The following APBA1 variants were observed in gnomAD, a reference collection of about 807,000 sequenced individuals.
APBA1 encodes the protein amyloid-beta A4 precursor protein-binding family A member 1.
In APBA1, 55 loss-of-function variants were observed where a neutral mutation model predicts 86.6. That is an observed-to-expected ratio of 0.64 (90% CI 0.51 to 0.80). The LOEUF (loss-of-function observed/expected upper bound fraction) is 0.80, where lower values mean the gene tolerates loss of function less well. Among genes scored for constraint, APBA1 ranks in the 30% least tolerant of loss-of-function variants. The pLI, the probability that APBA1 is intolerant of heterozygous loss-of-function variation, is 0.00. For synonymous variants in APBA1, 511 were observed against 493.9 expected (o/e 1.03, Z -0.46); for missense variants, 1,090 against 1,183.0 (o/e 0.92, Z 1.15).
intron 2 of APBA1, among the ~76,000 whole-genome samples, chr9:69,501,629 A>AAT (rs1835880383): frequency 7.0e-6 from 1 of 142,188 alleles, no homozygotes; most frequent in Middle Eastern, 3.6e-3. Flanking sequence ...GTCTCTACAA[A>AAT]ACACACACAC....
intron 3 of APBA1, among the ~76,000 whole-genome samples, chr9:69,472,123 G>A (rs959613): frequency 6.6e-6 from 1 of 151,946 alleles, no homozygotes; most frequent in Non-Finnish European, 1.5e-5. Context: ...TTGCCACAGT[G>A]ATCTCTCACT....
Position 69,626,306 on chromosome 9 carries a change from CTTG to C in APBA1, c.-70+45844_-70+45846del, listed in dbSNP as rs1252130210. On this transcript the variant is annotated intron_variant, in intron 1 of 12. Transcript: ENST00000265381. ...TTTCTATTGCATGGAAATAAACTGT[CTTG>C]TTGTTGTTATTGTTGTTTGTTTGTT... Among the ~76,000 whole-genome samples, 14 of 142,590 alleles carry C rather than the reference CTTG, an allele frequency of 9.8e-5. No individual in the cohort carries two copies. In the East Asian group the frequency reaches 1.3e-3, roughly 13 times the overall value. The allele number at this position is 142,590 out of a possible 152,430, so 93.5% of individuals were successfully genotyped here. A position where few individuals can be genotyped will look rare whatever the true frequency, so the allele number is the denominator to read the frequency against.
At chr9:69,456,534 G>T (rs1445895581) in intron 7 of APBA1, 102 bp from the exon 8 acceptor site, 2 of 1,265,986 alleles carry the variant, frequency 1.6e-6, no homozygotes, top group Non-Finnish European at 2.2e-6. Flanking sequence ...CGCATGCAGG[G>T]TGGGCTCCAG....
At position 69,540,795 on chromosome 9, in the gene APBA1, C is replaced by T. The variant is rs1490185438; in HGVS notation, c.-69-23516G>A. ...AAATTTTTTTGTAGAGACTGGGTCT[C>T]GCCACATTGCCCAGGTTGGTCTTGA... On this transcript the variant is annotated intron_variant, in intron 1 of 12. Transcript: ENST00000265381. Among the ~76,000 whole-genome samples, 13 of 152,170 alleles carry T rather than the reference C, an allele frequency of 8.5e-5. No individual in the cohort carries two copies. The East Asian group carries it at 2.1e-3, about 25-fold the overall frequency.
chr9:69,513,785 C>A (rs1836090691), intron 2 of APBA1, among the ~76,000 whole-genome samples: 1 of 152,186 alleles, frequency 6.6e-6, no homozygotes, highest in Admixed American at 6.5e-5. Flanking sequence ...GAGGTGAATG[C>A]TACCACTCTG....
intron 2 of APBA1, among the ~76,000 whole-genome samples, chr9:69,482,595 C>T (rs1835532383): frequency 6.6e-6 from 1 of 150,758 alleles, no homozygotes. Context: ...ACTAGAAATA[C>T]CATTTGACCC....
intron 1 of APBA1, among the ~76,000 whole-genome samples, chr9:69,663,515 A>C (rs1019299109): frequency 6.6e-6 from 1 of 152,248 alleles, no homozygotes; most frequent in Non-Finnish European, 1.5e-5. Flanking sequence ...TACAAGAAAA[A>C]GGAATTTATA....
At chr9:69,639,707 AAAAG>A (rs1823248763) in intron 1 of APBA1, among the ~76,000 whole-genome samples, 1 of 152,216 alleles carries the variant, frequency 6.6e-6, no homozygotes, top group South Asian at 2.1e-4. Flanking sequence ...CTGGTAAATA[AAAAG>A]AAAGAATCAA....
At chr9:69,501,391 A>G (rs1383204292) in intron 2 of APBA1, among the ~76,000 whole-genome samples, 1 of 152,098 alleles carries the variant, frequency 6.6e-6, no homozygotes, top group Non-Finnish European at 1.5e-5. Context: ...CTCCCAGGAC[A>G]ACATGGGCTC....
At chr9:69,439,915 T>C (rs1834780996) in intron 11 of APBA1, among the ~76,000 whole-genome samples, 1 of 152,244 alleles carries the variant, frequency 6.6e-6, no homozygotes, top group Non-Finnish European at 1.5e-5. Context: ...TTTGTGGTTT[T>C]ATCTACCTTT....
chr9:69,483,209 C>T (rs913284915), intron 2 of APBA1, among the ~76,000 whole-genome samples: 16 of 148,366 alleles, frequency 1.1e-4, no homozygotes, highest in African/African-American at 3.2e-4. Context: ...AGGAAGGCTG[C>T]GCTGCTTCAC....
intron 1 of APBA1, among the ~76,000 whole-genome samples, chr9:69,660,333 C>T (rs1823726694): frequency 6.6e-6 from 1 of 152,150 alleles, no homozygotes; most frequent in South Asian, 2.1e-4. Flanking sequence ...TTCTGGCCCC[C>T]ATGTTAAATT....
At chr9:69,473,970 C>T (rs997217799) in intron 3 of APBA1, among the ~76,000 whole-genome samples, 38 of 152,150 alleles carry the variant, frequency 2.5e-4, no homozygotes, top group African/African-American at 9.2e-4. Flanking sequence ...GAGAAACTAA[C>T]AAATTTGCCT....
intron 1 of APBA1, among the ~76,000 whole-genome samples, chr9:69,530,626 A>G (rs1393398964): frequency 6.6e-6 from 1 of 152,136 alleles, no homozygotes; most frequent in Non-Finnish European, 1.5e-5. Context: ...AATGTTCACT[A>G]TTTGCGTAAT....
intron 1 of APBA1, among the ~76,000 whole-genome samples, chr9:69,597,877 G>C (rs1203715748): frequency 6.6e-6 from 1 of 152,086 alleles, no homozygotes; most frequent in South Asian, 2.1e-4. Context: ...TCAGTGTGGC[G>C]ATTCCTCAGG....
intron 1 of APBA1, among the ~76,000 whole-genome samples, chr9:69,571,855 T>A (rs1286020294): frequency 6.6e-6 from 1 of 152,212 alleles, no homozygotes; most frequent in Non-Finnish European, 1.5e-5. Context: ...ACATCCTAAC[T>A]GCTTTATGTG....
At chr9:69,620,505 C>A (rs1401251673) in intron 1 of APBA1, among the ~76,000 whole-genome samples, 1 of 152,242 alleles carries the variant, frequency 6.6e-6, no homozygotes, top group East Asian at 1.9e-4. Flanking sequence ...TGGTGAAACC[C>A]TGTCTCTACT....
At chr9:69,453,307 C>T (rs1000582938) in intron 8 of APBA1, among the ~76,000 whole-genome samples, 2 of 152,148 alleles carry the variant, frequency 1.3e-5, no homozygotes, top group African/African-American at 2.4e-5. Context: ...GAGTTGAGAA[C>T]TCTGACTGGT....
intron 5 of APBA1, chr9:69,464,951 A>G (rs1422932503): frequency 6.6e-6 from 1 of 152,224 alleles, no homozygotes; most frequent in East Asian, 1.9e-4. Context: ...CTTGATGGAT[A>G]GAACCTAGAA....
Sources: allele counts gnomAD v4.1 joint callset (sites outside exome capture counted in the v4.1 genomes callset), GRCh38; gene constraint gnomAD v4.1.1; transcripts MANE v1.5; gene names NCBI Gene and HGNC (gene_info 2026-07-23, HGNC 2026-07-21).